The following SMTNL2 variants were observed in gnomAD, a reference collection of about 807,000 sequenced individuals.
SMTNL2 encodes the protein smoothelin like 2.
A neutral mutation model predicts 44.1 loss-of-function variants in SMTNL2; 43 were observed. That is an observed-to-expected ratio of 0.98 (90% CI 0.76 to 1.26). The LOEUF (loss-of-function observed/expected upper bound fraction) is 1.26. SMTNL2 is among the 50% of genes most tolerant of loss of function. The pLI is 0.00. For missense variants in SMTNL2, 646 were observed against 670.2 expected, an observed-to-expected ratio of 0.96 and a Z score of 0.40; for synonymous variants, 317 against 287.6, an observed-to-expected ratio of 1.10 and a Z score of -1.03.
In SMTNL2 at chr17:4,590,537, C is replaced by G. The variant is rs544701323; in HGVS notation, c.400-1824C>G. On this transcript the variant is annotated intron_variant, in intron 1 of 7. Coordinates refer to ENST00000389313, the MANE Select transcript of SMTNL2 (RefSeq NM_001114974.2). ...CAAAAATCCAGCTACCTCCTCAGCT[C>G]CCTGATGCTCCAGGTGCCCCAGGCC... Among the ~76,000 whole-genome samples, 29 of 152,290 alleles carry G rather than the reference C, an allele frequency of 1.9e-4. No individual in the cohort carries two copies. The South Asian group carries it at 6.0e-3, about 32-fold the overall frequency.
Position 4,593,852 on chromosome 17 carries a change from C to T in SMTNL2, c.761C>T (p.Pro254Leu), listed in dbSNP as rs1909687954. ...AATTCCTCTTTCACGTGGTCTGTGC[C>T]AAGCTCTGGCTATGGGGCAGTGACA... ...EKNSSFTWSV[P>L]SSGYGAVTAS... The change falls in exon 4 of 8, where the codon CCA becomes CTA. Residue 254 changes from proline to leucine, a missense_variant. By Grantham distance (98) the Pro-to-Leu change is moderately conservative. Coordinates refer to ENST00000389313, the MANE Select transcript of SMTNL2 (RefSeq NM_001114974.2). 1.2e-6 allele frequency: 2 copies of T among 1,614,050 alleles called. No individual in the cohort carries two copies. Among genetic ancestry groups the T allele is most frequent in the Non-Finnish European group, 1.7e-6 (2 of 1,180,018 alleles).
rs577181368 is a variant in SMTNL2, at chr17:4,588,482, G to A, written c.399+3478G>A. ...GTCCCCAGCCCCAGGGCTCTCCAGCGATTTCTGCCCCGGTCCCAGCATACC... is the reference window on the plus strand; with the variant it reads ...GTCCCCAGCCCCAGGGCTCTCCAGCAATTTCTGCCCCGGTCCCAGCATACC... On this transcript the variant is annotated intron_variant, in intron 1 of 7. Transcript: ENST00000389313. 3.5e-4 allele frequency among the ~76,000 whole-genome samples: 54 copies of A among 152,252 alleles called. No homozygotes were observed. In the South Asian group the frequency reaches 0.011, roughly 30 times the overall value.
chr17:4,606,190 C>T (rs915599066), intron 7 of SMTNL2, among the ~76,000 whole-genome samples: 9 of 151,960 alleles, frequency 5.9e-5, no homozygotes, highest in African/African-American at 2.2e-4. Flanking sequence ...CGCACGATCT[C>T]GGCTCACTGC....
At chr17:4,587,333 C>T (rs1469666884) in intron 1 of SMTNL2, among the ~76,000 whole-genome samples, 1 of 152,202 alleles carries the variant, frequency 6.6e-6, no homozygotes, top group Non-Finnish European at 1.5e-5. Flanking sequence ...CCCGAAGCAC[C>T]AATCCCCATC....
At position 4,592,386 on chromosome 17, in the gene SMTNL2, A is replaced by G. The variant is rs752597133; in HGVS notation, c.425A>G (p.Glu142Gly). The change falls in exon 2 of 8, where the codon GAG (glutamate) becomes GGG (glycine). Residue 142 changes from glutamate to glycine, a missense_variant. Transcript: ENST00000389313. This position sits in a 1 kb window ranked among gnomAD's most constrained non-coding sequence, Gnocchi z 4.5. ...AGTTTGGATCACGATGAGGCCAGTG[A>G]GTCGGAGATGAGAAAGACCTCAAAC... ...GQSLDHDEAS[E>G]SEMRKTSNSC... is the part of the protein sequence containing the mutation. 32 of 1,613,592 alleles carry G rather than the reference A, an allele frequency of 2.0e-5. No individual in the cohort carries two copies. The highest frequency in any genetic ancestry group is 2.6e-5 in the Non-Finnish European group (31 of 1,179,966).
intron 7 of SMTNL2, among the ~76,000 whole-genome samples, chr17:4,602,453 G>GT (rs1213538810): frequency 1.3e-5 from 2 of 151,196 alleles, no homozygotes; most frequent in African/African-American, 4.9e-5. Context: ...CTCCCGAGTA[G>GT]CTGGGATTAC....
At chr17:4,599,409 C>T (rs1909940420) in intron 7 of SMTNL2, among the ~76,000 whole-genome samples, 4 of 152,092 alleles carry the variant, frequency 2.6e-5, no homozygotes, top group Admixed American at 6.5e-5. Context: ...ACGTGGCAAC[C>T]GTCAATCAGA....
chr17:4,604,691 GAGAC>G (rs1910195281), intron 7 of SMTNL2, among the ~76,000 whole-genome samples: 3 of 149,704 alleles, frequency 2.0e-5, no homozygotes, highest in African/African-American at 2.5e-5. Context: ...CTTTTTTTTT[GAGAC>G]AGAGTCTCGC....
intron 7 of SMTNL2, among the ~76,000 whole-genome samples, chr17:4,605,152 G>GT (rs1597419061): frequency 4.2e-5 from 5 of 119,790 alleles, no homozygotes; most frequent in South Asian, 2.8e-4. Context: ...TTTTTTGTTT[G>GT]GTTTTTTTTT....
intron 7 of SMTNL2, among the ~76,000 whole-genome samples, chr17:4,605,857 C>G (rs1910251752): frequency 6.6e-6 from 1 of 152,190 alleles, no homozygotes; most frequent in South Asian, 2.1e-4. Flanking sequence ...TCAGAGGAGG[C>G]AGGGGGCGCA....
At chr17:4,596,401 A>G (rs1191459136) in intron 5 of SMTNL2, among the ~76,000 whole-genome samples, 3 of 152,250 alleles carry the variant, frequency 2.0e-5, no homozygotes, top group Admixed American at 6.5e-5. Context: ...GGGGCCCAGA[A>G]GAGGAACTCA....
In SMTNL2 at chr17:4,592,251, A is replaced by T; in HGVS notation, c.400-110A>T. 9.7e-7 allele frequency: 1 copy of T among 1,028,760 alleles called. No individual in the cohort carries two copies. Among genetic ancestry groups the T allele is most frequent in the South Asian group, 1.3e-5 (1 of 75,452 alleles). 63.7% of individuals were successfully genotyped at this position (1,028,760 alleles called of 1,614,324 possible). A position where few individuals can be genotyped will look rare whatever the true frequency, so the allele number is the denominator to read the frequency against. On this transcript the variant is annotated intron_variant, in intron 1 of 7. Coordinates refer to ENST00000389313, the MANE Select transcript of SMTNL2 (RefSeq NM_001114974.2). The surrounding 1 kb of genome is among the most constrained non-coding windows in gnomAD (Gnocchi z 4.5). ...TCTTCCTGGGGGCTGTTTTCTCTCAACATGATTGGTGTTTTGCCAGAACGG... is the reference window on the plus strand; with the variant it reads ...TCTTCCTGGGGGCTGTTTTCTCTCATCATGATTGGTGTTTTGCCAGAACGG...
Position 4,595,949 on chromosome 17 carries a change from AAG to A in SMTNL2, c.989+623_989+624del. On this transcript the variant is annotated intron_variant, in intron 5 of 7. Coordinates refer to ENST00000389313, the MANE Select transcript of SMTNL2 (RefSeq NM_001114974.2). This position sits in a 1 kb window ranked among gnomAD's most constrained non-coding sequence, Gnocchi z 5.1. Reference sequence around the variant, plus strand: ...GTCTGCTGTGTGCAGGGTGTGGCCCAAGCGTGGTATTGATGTCTGCTGTGTGC... The same window carrying A: ...GTCTGCTGTGTGCAGGGTGTGGCCCACGTGGTATTGATGTCTGCTGTGTGC... Among the ~76,000 whole-genome samples the A allele has an allele frequency of 6.0e-5, 9 of 149,340 alleles. No homozygotes were observed. The highest frequency in any genetic ancestry group is 2.2e-4 in the African/African-American group (9 of 40,210).
In SMTNL2 at chr17:4,584,769, C is replaced by T; in HGVS notation, c.164C>T (p.Pro55Leu). Residue 55 changes from proline (P) to leucine (L), a missense_variant, in exon 1 of 8, where the codon CCC becomes CTC. Physicochemically the swap from Pro to Leu is moderately conservative, Grantham distance 98. Transcript: ENST00000389313. The part of the protein sequence containing the change: ...RVAEAMRLAG[P>L]LARTVADLQR... Reference sequence around the variant, plus strand: ...GCAGAGGCGATGCGCCTGGCCGGCCCCCTGGCGCGCACGGTGGCCGACCTG... The same window carrying T: ...GCAGAGGCGATGCGCCTGGCCGGCCTCCTGGCGCGCACGGTGGCCGACCTG... 7.6e-7 allele frequency: 1 copy of T among 1,308,262 alleles called. No individual in the cohort carries two copies. Among genetic ancestry groups the T allele is most frequent in the Non-Finnish European group, 9.7e-7 (1 of 1,032,118 alleles). 81.0% of individuals were successfully genotyped at this position (1,308,262 alleles called of 1,614,324 possible). A position where few individuals can be genotyped will look rare whatever the true frequency, so the allele number is the denominator to read the frequency against.
rs2150522416 is a variant in SMTNL2, at chr17:4,595,431, C to G, written c.989+104C>G. 4 of 1,446,088 alleles carry G rather than the reference C, an allele frequency of 2.8e-6. No homozygotes were observed. The highest frequency in any genetic ancestry group is 4.8e-5 in the East Asian group (2 of 41,412). The allele number at this position is 1,446,088 out of a possible 1,614,324, so 89.6% of individuals were successfully genotyped here. On this transcript the variant is annotated intron_variant, in intron 5 of 7. Transcript: ENST00000389313. This position sits in a 1 kb window ranked among gnomAD's most constrained non-coding sequence, Gnocchi z 5.1. ...GCAAGGTTCAGCCCTGTCCTGTTCCCCAGGGCGCTGTTGCCCAGGACAAGA... is the reference window on the plus strand; with the variant it reads ...GCAAGGTTCAGCCCTGTCCTGTTCCGCAGGGCGCTGTTGCCCAGGACAAGA...
intron 3 of SMTNL2, 129 bp downstream of exon 3, chr17:4,593,300 C>A: frequency 7.5e-7 from 1 of 1,341,620 alleles, no homozygotes; most frequent in Non-Finnish European, 9.9e-7. Flanking sequence ...CTGCCTCTGC[C>A]TGCCATGTCA....
intron 1 of SMTNL2, among the ~76,000 whole-genome samples, chr17:4,591,887 T>C (rs890976031): frequency 2.6e-5 from 4 of 152,204 alleles, no homozygotes; most frequent in African/African-American, 9.6e-5. Context: ...CCGCCTCCCA[T>C]GCAAAGATCT....
upstream of SMTNL2, chr17:4,584,029 G>C (rs1909234417): frequency 6.6e-6 from 1 of 152,348 alleles, no homozygotes; most frequent in Non-Finnish European, 1.5e-5. Context: ...TCAGGGAGGG[G>C]ACCTCACCAC....
rs1909911366 is a variant in SMTNL2 at position 4,598,632 on chromosome 17, TG to T, written c.1259+1312del. Among the ~76,000 whole-genome samples the T allele has an allele frequency of 6.6e-6, 1 of 152,052 alleles. No homozygotes were observed. The highest frequency in any genetic ancestry group is 6.6e-5 in the Admixed American group (1 of 15,264). On this transcript the variant is annotated intron_variant, in intron 7 of 7. Coordinates refer to ENST00000389313, the MANE Select transcript of SMTNL2 (RefSeq NM_001114974.2). The surrounding 1 kb of genome is among the most constrained non-coding windows in gnomAD (Gnocchi z 4.8). The stretch of plus-strand genomic sequence containing the variant: ...TGAGCTCAGGAGTTCGAGACCAGCT[TG>T]GGCAACACGGCGAAACCCTGTCTCT...
Sources: gnomAD v4.1 joint callset for allele counts (sites outside exome capture counted in the v4.1 genomes callset) on GRCh38, gnomAD v4.1.1 for gene constraint, Gnocchi (gnomAD v3.1) non-coding constraint, MANE v1.5 for transcripts, NCBI Gene and HGNC (gene_info 2026-07-23, HGNC 2026-07-21) for gene names.